CASP8: variants seen among roughly 807,000 people sequenced by gnomAD.
CASP8 encodes caspase 8.
In CASP8, 24 loss-of-function variants were observed where a neutral mutation model predicts 46.3. The ratio of observed to expected loss-of-function variants is 0.52; its 90% confidence interval spans 0.38 to 0.73. The LOEUF (loss-of-function observed/expected upper bound fraction) is 0.73, where lower values mean the gene tolerates loss of function less well. CASP8 is among the 30% of genes least tolerant of loss of function. The pLI, the probability that CASP8 is intolerant of heterozygous loss-of-function variation, is 0.00. For synonymous variants in CASP8, 188 were observed against 200.4 expected (o/e 0.94, Z 0.52); for missense variants, 460 against 559.0 (o/e 0.82, Z 1.79).
intron 6 of CASP8, 54 bp downstream of exon 6, chr2:201,275,007 A>T (rs2125293873): frequency 7.9e-7 from 1 of 1,262,538 alleles, no homozygotes; most frequent in Non-Finnish European, 1.1e-6. Context: ...TAGTTATTTA[A>T]TTTGTTAGCT....
At chr2:201,279,382 A>T (rs1367129957) in intron 7 of CASP8, among the ~76,000 whole-genome samples, 2 of 152,258 alleles carry the variant, frequency 1.3e-5, no homozygotes, top group African/African-American at 4.8e-5. Flanking sequence ...GGTGGCATGG[A>T]GTCAGATCTC....
rs2125317840 is a variant in CASP8, at chr2:201,276,811, G to A, written c.661-16G>A. The A allele has an allele frequency of 6.2e-7, 1 of 1,613,962 alleles. No individual in the cohort carries two copies. Among genetic ancestry groups the A allele is most frequent in the Non-Finnish European group, 8.5e-7 (1 of 1,179,922 alleles). On this transcript the variant is annotated splice_polypyrimidine_tract_variant and intron_variant, in intron 6 of 8. Coordinates refer to ENST00000673742, the MANE Select transcript of CASP8 (RefSeq NM_001372051.1). ...ACCCACAGAGTCAGCTCCTGGGTTG[G>A]GTTTTTGTTTTCCAGACTTTGGACA...
upstream of CASP8, among the ~76,000 whole-genome samples, chr2:201,257,655 G>A (rs1157661977): frequency 3.9e-5 from 6 of 152,244 alleles, no homozygotes; most frequent in African/African-American, 1.4e-4. Context: ...GAGCCGAGCA[G>A]GGCTAAGCCA....
At position 201,276,875 on chromosome 2, in the gene CASP8, C is replaced by T. The variant is rs1948665527; in HGVS notation, c.709C>T (p.Leu237=). 3 of 1,614,024 alleles carry T rather than the reference C, an allele frequency of 1.9e-6. No individual in the cohort carries two copies. The highest frequency in any genetic ancestry group is 2.5e-6 in the Non-Finnish European group (3 of 1,179,918). ...GAAAAGCAAACCTCGGGGATACTGTCTGATCATCAACAATCACAATTTTGC... is the reference window on the plus strand; with the variant it reads ...GAAAAGCAAACCTCGGGGATACTGTTTGATCATCAACAATCACAATTTTGC... ...QMKSKPRGYC[L]IINNHNFAKA... The change falls in exon 7 of 9, where the codon CTG becomes TTG. Residue 237 remains leucine, a synonymous_variant. Transcript: ENST00000673742.
chr2:201,263,298 C>T (rs1425542243), intron 1 of CASP8, among the ~76,000 whole-genome samples: 2 of 152,172 alleles, frequency 1.3e-5, no homozygotes, highest in Admixed American at 6.5e-5. Flanking sequence ...GTTTTAAAGT[C>T]ATCCTAAATG....
chr2:201,257,867 C>G (rs1458950960), upstream of CASP8: 1 of 312,078 alleles, frequency 3.2e-6, no homozygotes, highest in Non-Finnish European at 6.2e-6. Context: ...TTGCCACCGA[C>G]AGGGGTTATT....
chr2:201,259,543 G>A (rs895629633), upstream of CASP8, among the ~76,000 whole-genome samples: 4 of 152,044 alleles, frequency 2.6e-5, no homozygotes, highest in African/African-American at 9.7e-5. Flanking sequence ...CAGATACTTC[G>A]TTCAGTCTTC....
chr2:201,251,827 A>G (rs1194756648), intron 2 of CASP8, among the ~76,000 whole-genome samples: 6 of 151,784 alleles, frequency 4.0e-5, no homozygotes, highest in Admixed American at 3.9e-4. Flanking sequence ...GCTTGAACCC[A>G]GAGGCAGAGG....
intron 2 of CASP8, among the ~76,000 whole-genome samples, chr2:201,252,619 A>G (rs1424741541): frequency 6.6e-6 from 1 of 152,168 alleles, no homozygotes; most frequent in African/African-American, 2.4e-5. Context: ...CTTCACTCTT[A>G]ACTGTATCTT....
chr2:201,257,372 C>G (rs529910906), upstream of CASP8, among the ~76,000 whole-genome samples: 5 of 151,554 alleles, frequency 3.3e-5, no homozygotes, highest in Non-Finnish European at 7.4e-5. Flanking sequence ...GTCCCAGCTA[C>G]TCGGGAGGCT....
In CASP8 at chr2:201,274,278, G is replaced by T. The variant is rs533717640; in HGVS notation, c.596-611G>T. 2.6e-5 allele frequency among the ~76,000 whole-genome samples: 4 copies of T among 152,230 alleles called. No homozygotes were observed. The South Asian group carries it at 8.3e-4, about 32-fold the overall frequency. On this transcript the variant is annotated intron_variant, in intron 5 of 8. Coordinates refer to ENST00000673742, the MANE Select transcript of CASP8 (RefSeq NM_001372051.1). ...CCTGAGCTAGTGGCTTTATTAATGA[G>T]TATCTCACAAATACCACAAAAATTC...
intron 2 of CASP8, chr2:201,234,168 T>C (rs1056567990): frequency 1.3e-5 from 2 of 152,428 alleles, no homozygotes; most frequent in African/African-American, 2.4e-5. Context: ...TGAACGCTAT[T>C]ACTGTTCCCT....
intron 2 of CASP8, among the ~76,000 whole-genome samples, chr2:201,251,383 G>A (rs1460534894): frequency 6.6e-6 from 1 of 150,886 alleles, no homozygotes; most frequent in Non-Finnish European, 1.5e-5. Context: ...CCTGAGATCA[G>A]CAGTTTAAGA....
At chr2:201,256,729 G>A (rs754250412), upstream of CASP8, among the ~76,000 whole-genome samples, 2 of 152,180 alleles carry the variant, frequency 1.3e-5, no homozygotes, top group African/African-American at 2.4e-5. Flanking sequence ...CTGAATTAGA[G>A]AATTCTGCTG....
upstream of CASP8, chr2:201,258,483 T>C (rs939344959): frequency 7.9e-6 from 11 of 1,399,986 alleles, no homozygotes; most frequent in Admixed American, 1.7e-5. Context: ...GGGAAGCAAC[T>C]TGGATCTGCC....
At chr2:201,249,153 A>G (rs947289076) in intron 2 of CASP8, among the ~76,000 whole-genome samples, 6 of 152,336 alleles carry the variant, frequency 3.9e-5, no homozygotes, top group Non-Finnish European at 5.9e-5. Flanking sequence ...TTGGCCTCCC[A>G]AAGTGCTGGG....
chr2:201,235,163 T>A (rs1945996149), intron 2 of CASP8, among the ~76,000 whole-genome samples: 3 of 152,196 alleles, frequency 2.0e-5, no homozygotes, highest in Non-Finnish European at 2.9e-5. Context: ...GACTGTAGAT[T>A]GTCAATTTCT....
intron 1 of CASP8, chr2:201,233,593 G>T (rs978485171): frequency 1.3e-5 from 2 of 152,286 alleles, no homozygotes; most frequent in Admixed American, 1.3e-4. Context: ...GTGGGCAAGA[G>T]AATTAGCATT....
chr2:201,284,787 A>T (rs1414568703), intron 7 of CASP8, 29 bp from the exon 8 acceptor site: 36 of 1,600,484 alleles, frequency 2.2e-5, no homozygotes, highest in Non-Finnish European at 3.0e-5. Context: ...ACTGTGGTAT[A>T]ACGTGACTGT....
Sources: gnomAD v4.1 joint callset for allele counts (sites outside exome capture counted in the v4.1 genomes callset) on GRCh38, gnomAD v4.1.1 for gene constraint, MANE v1.5 for transcripts, NCBI Gene and HGNC (gene_info 2026-07-23, HGNC 2026-07-21) for gene names.